The following MBD5 variants were observed in gnomAD, a reference collection of about 807,000 sequenced individuals.
The protein encoded by MBD5 is methyl-CpG binding domain protein 5.
MBD5 carries 13 observed loss-of-function variants against 117.3 expected under a neutral mutation model. The ratio of observed to expected loss-of-function variants is 0.11; its 90% CI spans 0.07 to 0.18. The LOEUF (loss-of-function observed/expected upper bound fraction) is 0.18. MBD5 is among the 10% of genes least tolerant of loss of function. The probability of loss-of-function intolerance (pLI) is 1.00; values close to 1 mark genes in which losing one functional copy is unlikely to be tolerated. For synonymous variants in MBD5, 727 were observed against 766.4 expected (o/e 0.95, Z 0.85); for missense variants, 1,879 against 2,093.8 (o/e 0.90, Z 2.00).
At position 148,345,595 on chromosome 2, in the gene MBD5, ATACACATACATATGTATATACACG is replaced by A. The variant is rs1559033435; in HGVS notation, c.-557+3262_-557+3285del. ...TACACATACATATGTATATACACGT[ATACACATACATATGTATATACACG>A]TATACACATACATATGTATATACAC... On this transcript the variant is annotated intron_variant, in intron 4 of 13. Coordinates refer to ENST00000642680, the MANE Select transcript of MBD5 (RefSeq NM_001378120.1). Among the ~76,000 whole-genome samples, 5 of 139,256 alleles carry A rather than the reference ATACACATACATATGTATATACACG, an allele frequency of 3.6e-5. 1 individual carries two copies. Among genetic ancestry groups the A allele is most frequent in the African/African-American group, 8.6e-5 (3 of 34,790 alleles). The allele number at this position is 139,256 out of a possible 152,430, so 91.4% of individuals were successfully genotyped here. A position where few individuals can be genotyped will look rare whatever the true frequency, so the allele number is the denominator to read the frequency against.
Position 148,141,163 on chromosome 2 carries a change from T to A in MBD5, c.-924-37537T>A, listed in dbSNP as rs1697303479. On this transcript the variant is annotated intron_variant, in intron 1 of 13. Coordinates refer to ENST00000642680, the MANE Select transcript of MBD5 (RefSeq NM_001378120.1). ...ATGTCAGACTAGGTGAATGTATTTA[T>A]GAAGTATCCTTGAGATTGCTGTGGG... 3.3e-5 allele frequency among the ~76,000 whole-genome samples: 5 copies of A among 152,336 alleles called. No individual in the cohort carries two copies. In the South Asian group the frequency reaches 1.0e-3, roughly 32 times the overall value.
At position 148,490,385 on chromosome 2, in the gene MBD5, C is replaced by A; in HGVS notation, c.4753C>A (p.Pro1585Thr). The stretch of plus-strand genomic sequence containing the variant: ...AAGCGTTAATGGGTGTGTGCCTAGC[C>A]CTTCAGATGCTAAAAGCATTAGTAG... ...AKSVNGCVPSPSDAKSISSED... is the reference protein window; with the variant it reads ...AKSVNGCVPSTSDAKSISSED... Residue 1585 changes from proline (P) to threonine (T), a missense_variant, in exon 11 of 14, where the codon CCT becomes ACT. Physicochemically the swap from Pro to Thr is conservative, Grantham distance 38. Transcript: ENST00000642680. 1 of 1,614,066 alleles carries A rather than the reference C, an allele frequency of 6.2e-7. No homozygotes were observed. Among genetic ancestry groups the A allele is most frequent in the Non-Finnish European group, 8.5e-7 (1 of 1,180,010 alleles).
intron 7 of MBD5, among the ~76,000 whole-genome samples, chr2:148,466,856 G>C (rs1311553071): frequency 6.6e-6 from 1 of 152,148 alleles, no homozygotes; most frequent in Non-Finnish European, 1.5e-5. Flanking sequence ...TGTGCTCTAT[G>C]TAGATTTATT....
chr2:148,308,570 A>C (rs72618897), intron 3 of MBD5, among the ~76,000 whole-genome samples: 1,513 of 137,658 alleles, frequency 0.011, 64 homozygotes, highest in Admixed American at 0.09. Context: ...TGTCAGGTGA[A>C]TAGGTTGCAA....
intron 4 of MBD5, among the ~76,000 whole-genome samples, chr2:148,450,998 AAT>A (rs1706710516): frequency 6.6e-6 from 1 of 152,126 alleles, no homozygotes; most frequent in Non-Finnish European, 1.5e-5. Flanking sequence ...GCTGATGAAA[AAT>A]ATAACTTTCC....
intron 1 of MBD5, among the ~76,000 whole-genome samples, chr2:148,152,657 C>G (rs1038097640): frequency 6.6e-6 from 1 of 152,060 alleles, no homozygotes; most frequent in Admixed American, 6.6e-5. Flanking sequence ...GGATAGTTAG[C>G]TCTTCTTGTT....
chr2:148,498,587 C>T (rs138132486), intron 11 of MBD5, among the ~76,000 whole-genome samples: 2,285 of 152,268 alleles, frequency 0.015, 45 homozygotes, highest in African/African-American at 0.053. Flanking sequence ...CCACCCGCCT[C>T]GACCTCCCAA....
At chr2:148,064,313 C>T (rs1695124420) in intron 1 of MBD5, among the ~76,000 whole-genome samples, 1 of 151,816 alleles carries the variant, frequency 6.6e-6, no homozygotes, top group Non-Finnish European at 1.5e-5. Flanking sequence ...GACGGGGTTT[C>T]TCCGTGTTAG....
At chr2:148,231,974 TG>T (rs2106145115) in intron 2 of MBD5, among the ~76,000 whole-genome samples, 1 of 152,236 alleles carries the variant, frequency 6.6e-6, no homozygotes, top group East Asian at 1.9e-4. Flanking sequence ...GCTAGACTGG[TG>T]AGAGAATCCT....
intron 12 of MBD5, among the ~76,000 whole-genome samples, chr2:148,509,090 T>C (rs1297663830): frequency 6.6e-6 from 1 of 152,198 alleles, no homozygotes; most frequent in Non-Finnish European, 1.5e-5. Context: ...GATGCTAAGA[T>C]AGGACTTAAC....
intron 2 of MBD5, among the ~76,000 whole-genome samples, chr2:148,186,378 G>A (rs1698658046): frequency 6.6e-6 from 1 of 152,146 alleles, no homozygotes; most frequent in South Asian, 2.1e-4. Context: ...TCTTGGGTAT[G>A]TCTTTATCAG....
At position 148,469,086 on chromosome 2, in the gene MBD5, C is replaced by T; in HGVS notation, c.1143C>T (p.Phe381=). ...QNPVIINPTS[F]HSNVHSQVPM... is the part of the protein sequence containing the mutation. ...CTGTTATCATTAATCCAACCAGTTT[C>T]CATTCAAATGTCCACTCTCAGGTAC... The change falls in exon 8 of 14, where the codon TTC becomes TTT. Residue 381 remains phenylalanine (F), a synonymous_variant. Transcript: ENST00000642680. 1 of 1,614,070 alleles carries T rather than the reference C, an allele frequency of 6.2e-7. No individual in the cohort carries two copies. The highest frequency in any genetic ancestry group is 8.5e-7 in the Non-Finnish European group (1 of 1,179,986).
chr2:148,390,134 A>G (rs978219649), intron 4 of MBD5, among the ~76,000 whole-genome samples: 3 of 152,156 alleles, frequency 2.0e-5, no homozygotes, highest in African/African-American at 4.8e-5. Context: ...ATTCTTCAGC[A>G]TATGGCTAGC....
chr2:148,167,357 A>G (rs895687040), intron 1 of MBD5, among the ~76,000 whole-genome samples: 1 of 152,180 alleles, frequency 6.6e-6, no homozygotes, highest in African/African-American at 2.4e-5. Flanking sequence ...GTTTTTATAC[A>G]GAGAATGTCT....
chr2:148,381,412 A>AG (rs1208636207), intron 4 of MBD5, among the ~76,000 whole-genome samples: 1 of 152,174 alleles, frequency 6.6e-6, no homozygotes, highest in Non-Finnish European at 1.5e-5. Context: ...TAGAGAAAAA[A>AG]GAATAAAAAG....
intron 1 of MBD5, among the ~76,000 whole-genome samples, chr2:148,146,597 A>G (rs1697472304): frequency 6.6e-6 from 1 of 151,962 alleles, no homozygotes; most frequent in Non-Finnish European, 1.5e-5. Flanking sequence ...TTTAATTTAT[A>G]CTATTTGAGT....
chr2:148,147,341 C>T (rs1031316747), intron 1 of MBD5, among the ~76,000 whole-genome samples: 1 of 151,896 alleles, frequency 6.6e-6, no homozygotes, highest in African/African-American at 2.4e-5. Context: ...CTCCTAGATT[C>T]AAGCGATTCT....
At position 148,053,141 on chromosome 2, in the gene MBD5, G is replaced by T. The variant is rs541299439; in HGVS notation, c.-925+31457G>T. 3.3e-5 allele frequency among the ~76,000 whole-genome samples: 5 copies of T among 152,036 alleles called. No individual in the cohort carries two copies. The South Asian group carries it at 1.0e-3, about 32-fold the overall frequency. ...GTTGAAGATGCCAACTGTTATTGTT[G>T]AACTGTCTATTTCTCCTGCAATTCT... On this transcript the variant is annotated intron_variant, in intron 1 of 13. Coordinates refer to ENST00000642680, the MANE Select transcript of MBD5 (RefSeq NM_001378120.1).
rs34236548 is a variant in MBD5 at position 148,397,325 on chromosome 2, C to CT, written c.-557+55011dup. ...GCCCAAATGTTTCTGTCTTCTGATCCTTTTTTTTTTTTTTTTTTTTTTGAG... is the reference window on the plus strand; with the variant it reads ...GCCCAAATGTTTCTGTCTTCTGATCCTTTTTTTTTTTTTTTTTTTTTTTGAG... On this transcript the variant is annotated intron_variant, in intron 4 of 13. Coordinates refer to ENST00000642680, the MANE Select transcript of MBD5 (RefSeq NM_001378120.1). Among the ~76,000 whole-genome samples the CT allele has an allele frequency of 6.5e-3, 657 of 100,644 alleles. 5 individuals are homozygous for CT. Among genetic ancestry groups the CT allele is most frequent in the Non-Finnish European group, 8.6e-3 (437 of 50,882 alleles). The allele number at this position is 100,644 out of a possible 152,430, so 66.0% of individuals were successfully genotyped here. A position where few individuals can be genotyped will look rare whatever the true frequency, so the allele number is the denominator to read the frequency against.
Sources: allele counts gnomAD v4.1 joint callset (sites outside exome capture counted in the v4.1 genomes callset), GRCh38; gene constraint gnomAD v4.1.1; transcripts MANE v1.5; gene names NCBI Gene and HGNC (gene_info 2026-07-23, HGNC 2026-07-21).